Variants in CNTN5 observed in about 807,000 individuals in gnomAD.
CNTN5 encodes contactin-5.
CNTN5 carries 77 observed loss-of-function variants against 129.1 expected under a neutral mutation model. The observed-to-expected ratio is 0.60, with a 90% CI of 0.50 to 0.72. The LOEUF (loss-of-function observed/expected upper bound fraction) is 0.72, where lower values mean the gene tolerates loss of function less well. CNTN5 is among the 30% of genes least tolerant of loss of function. CNTN5 has a pLI of 0.00. For synonymous variants in CNTN5, 509 were observed against 465.6 expected, an observed-to-expected ratio of 1.09 and a Z score of -1.20; for missense variants, 1,478 against 1,328.8, an observed-to-expected ratio of 1.11 and a Z score of -1.75.
intron 3 of CNTN5, among the ~76,000 whole-genome samples, chr11:99,717,226 G>A (rs1428282646): frequency 6.6e-6 from 1 of 151,938 alleles, no homozygotes; most frequent in Admixed American, 6.6e-5. Flanking sequence ...TATATCTGTT[G>A]ATTTGAACTT....
chr11:99,638,141 G>T (rs185353125), intron 3 of CNTN5, among the ~76,000 whole-genome samples: 7 of 152,240 alleles, frequency 4.6e-5, no homozygotes, highest in African/African-American at 1.7e-4. Flanking sequence ...CAGAATCTTG[G>T]CGGGAGGTGA....
intron 1 of CNTN5, among the ~76,000 whole-genome samples, chr11:99,146,142 A>G (rs1290989172): frequency 1.3e-5 from 2 of 152,162 alleles, no homozygotes; most frequent in Non-Finnish European, 2.9e-5. Context: ...TGTCAAAATG[A>G]TAAATGGATT....
chr11:100,162,593 T>C (rs1465163004), intron 13 of CNTN5, among the ~76,000 whole-genome samples: 1 of 151,860 alleles, frequency 6.6e-6, no homozygotes, highest in Non-Finnish European at 1.5e-5. Context: ...ATTGCTTTTC[T>C]CACCTTGTTA....
At chr11:100,061,696 A>C (rs12284396) in intron 10 of CNTN5, among the ~76,000 whole-genome samples, 32,809 of 152,086 alleles carry the variant, frequency 0.22, 4,007 homozygotes, top group African/African-American at 0.32. Context: ...TGGAAAACTT[A>C]TTAACTTATT....
intron 1 of CNTN5, among the ~76,000 whole-genome samples, chr11:99,233,059 T>G (rs953049700): frequency 8.5e-5 from 13 of 152,226 alleles, no homozygotes; most frequent in African/African-American, 3.1e-4. Flanking sequence ...AAGAATCATC[T>G]TCAAGTCAAT....
intron 4 of CNTN5, among the ~76,000 whole-genome samples, chr11:99,837,680 TG>T (rs1947349002): frequency 2.8e-5 from 3 of 106,188 alleles, no homozygotes; most frequent in African/African-American, 3.5e-5. Context: ...TTGCCACACA[TG>T]AGTAAAAAAA....
intron 21 of CNTN5, among the ~76,000 whole-genome samples, chr11:100,332,081 C>A (rs1379675132): frequency 6.6e-6 from 1 of 151,876 alleles, no homozygotes; most frequent in Non-Finnish European, 1.5e-5. Context: ...AATCGATAGA[C>A]CATTAGCATG....
At chr11:100,124,733 A>G (rs188998109) in intron 13 of CNTN5, among the ~76,000 whole-genome samples, 1 of 152,080 alleles carries the variant, frequency 6.6e-6, no homozygotes, top group Non-Finnish European at 1.5e-5. Context: ...CTGAAAGGGA[A>G]CAAAAGAGAG....
chr11:99,116,670 A>G (rs188097210), intron 1 of CNTN5, among the ~76,000 whole-genome samples: 3 of 152,322 alleles, frequency 2.0e-5, no homozygotes, highest in Admixed American at 1.3e-4. Context: ...ACATGATTCA[A>G]TTTATGATTT....
At chr11:99,160,067 A>T (rs144703658) in intron 1 of CNTN5, among the ~76,000 whole-genome samples, 140 of 152,350 alleles carry the variant, frequency 9.2e-4, no homozygotes, top group African/African-American at 3.3e-3. Flanking sequence ...AAGAATTTAC[A>T]CAATTAAATA....
chr11:99,245,032 G>A (rs1319206328), intron 1 of CNTN5, among the ~76,000 whole-genome samples: 1 of 152,180 alleles, frequency 6.6e-6, no homozygotes, highest in African/African-American at 2.4e-5. Flanking sequence ...ATACTTGCAA[G>A]ATTAGTTATC....
intron 2 of CNTN5, among the ~76,000 whole-genome samples, chr11:99,375,640 G>A (rs948569402): frequency 6.6e-6 from 1 of 152,146 alleles, no homozygotes; most frequent in Non-Finnish European, 1.5e-5. Context: ...AAAAATATAA[G>A]AGTGACTTCC....
intron 1 of CNTN5, among the ~76,000 whole-genome samples, chr11:99,182,636 C>T (rs1370975931): frequency 6.6e-6 from 1 of 152,070 alleles, no homozygotes; most frequent in Non-Finnish European, 1.5e-5. Context: ...TCCAAGAAGT[C>T]TGGGCCAAAG....
intron 1 of CNTN5, among the ~76,000 whole-genome samples, chr11:99,267,922 A>ACG (rs1427713899): frequency 1.1e-4 from 7 of 64,748 alleles, no homozygotes; most frequent in African/African-American, 5.9e-4. Context: ...ACACACACGC[A>ACG]CACACACACA....
At chr11:100,238,601 G>A (rs1949675402) in intron 16 of CNTN5, among the ~76,000 whole-genome samples, 1 of 151,768 alleles carries the variant, frequency 6.6e-6, no homozygotes, top group South Asian at 2.1e-4. Context: ...AGAAGAAGAA[G>A]AGGGGAAAAT....
chr11:99,166,273 G>A (rs572757643), intron 1 of CNTN5, among the ~76,000 whole-genome samples: 3 of 151,802 alleles, frequency 2.0e-5, no homozygotes, highest in African/African-American at 7.3e-5. Context: ...ATGGTGGCAC[G>A]CACCTGTAGT....
intron 4 of CNTN5, among the ~76,000 whole-genome samples, chr11:99,821,094 T>C (rs1442866828): frequency 6.6e-6 from 1 of 152,224 alleles, no homozygotes; most frequent in Non-Finnish European, 1.5e-5. Flanking sequence ...TTAAGCCTAA[T>C]ATGAAACATA....
At chr11:99,395,392 T>C (rs1476754466) in intron 2 of CNTN5, among the ~76,000 whole-genome samples, 1 of 151,722 alleles carries the variant, frequency 6.6e-6, no homozygotes, top group East Asian at 1.9e-4. Context: ...GTATTGTTTG[T>C]TGGTTTTCTT....
chr11:99,682,760 C>A (rs1190321867), intron 3 of CNTN5, among the ~76,000 whole-genome samples: 1 of 151,834 alleles, frequency 6.6e-6, no homozygotes, highest in Non-Finnish European at 1.5e-5. Flanking sequence ...AAAAACACAT[C>A]AGTCAAATGG....
Sources: allele counts gnomAD v4.1 joint callset (sites outside exome capture counted in the v4.1 genomes callset), GRCh38; gene constraint gnomAD v4.1.1; transcripts MANE v1.5; gene names NCBI Gene and HGNC (gene_info 2026-07-23, HGNC 2026-07-21).